Variants in NCOA6 observed in about 807,000 individuals in gnomAD.
The protein encoded by NCOA6 is NRC RAP250.
Under a neutral mutation model 171.4 loss-of-function variants are expected in NCOA6, and 49 were observed. The ratio of observed to expected loss-of-function variants is 0.29; its 90% CI spans 0.23 to 0.36. NCOA6 has a LOEUF of 0.36. Ranked by LOEUF, NCOA6 falls within the 10% of genes least tolerant of loss-of-function variation. The probability of loss-of-function intolerance (pLI) is 1.00; values close to 1 mark genes in which losing one functional copy is unlikely to be tolerated. For synonymous variants in NCOA6, 910 were observed against 927.5 expected (o/e 0.98, Z 0.34); for missense variants, 2,248 against 2,554.5 (o/e 0.88, Z 2.59).
intron 5 of NCOA6, among the ~76,000 whole-genome samples, chr20:34,760,922 C>T (rs974120540): frequency 2.6e-5 from 4 of 151,988 alleles, no homozygotes; most frequent in Non-Finnish European, 4.4e-5. Flanking sequence ...GCTGTCCTTT[C>T]AAAGAAACAT....
At chr20:34,812,508 T>A (rs2078700146) in intron 1 of NCOA6, among the ~76,000 whole-genome samples, 1 of 152,036 alleles carries the variant, frequency 6.6e-6, no homozygotes, top group South Asian at 2.1e-4. Flanking sequence ...CTTCTTAGTA[T>A]AAGAAACAAA....
intron 2 of NCOA6, among the ~76,000 whole-genome samples, chr20:34,784,883 C>T (rs1357538819): frequency 6.6e-6 from 1 of 152,076 alleles, no homozygotes; most frequent in Non-Finnish European, 1.5e-5. Context: ...GATTTCGAGA[C>T]CAGCCTGGTC....
chr20:34,739,371 T>G (rs1482849267), intron 11 of NCOA6, among the ~76,000 whole-genome samples: 1 of 152,246 alleles, frequency 6.6e-6, no homozygotes, highest in Non-Finnish European at 1.5e-5. Context: ...TCAAGTAACT[T>G]GCCCAAGCCC....
At chr20:34,776,903 G>A in intron 3 of NCOA6, 1 of 387,902 alleles carries the variant, frequency 2.6e-6, no homozygotes, top group Admixed American at 3.7e-5. Context: ...TGGATCACGA[G>A]GTCAGGAGTT....
rs757776338 is a variant in NCOA6, at chr20:34,757,941, CTGT to C, written c.804_806del (p.Gln285del). On this transcript the variant is annotated inframe_deletion, in exon 7 of 15. Transcript: ENST00000359003. ...GTTGCTGCTGCTGCTGCTGCTGCTG[CTGT>C]TGTTGTTGTTGCTGCTGCTGCTGCA... is the stretch of plus-strand genomic sequence containing the variant. The C allele has an allele frequency of 2.0e-4, 315 of 1,590,792 alleles. 1 individual carries two copies. Among genetic ancestry groups the C allele is most frequent in the Non-Finnish European group, 2.5e-4 (287 of 1,161,628 alleles).
intron 13 of NCOA6, among the ~76,000 whole-genome samples, chr20:34,728,440 A>T (rs1990230057): frequency 6.6e-6 from 1 of 152,188 alleles, no homozygotes; most frequent in Non-Finnish European, 1.5e-5. Flanking sequence ...CTTAGGGGAC[A>T]TTTAGCAACA....
chr20:34,811,999 C>T (rs1169484236), intron 1 of NCOA6, among the ~76,000 whole-genome samples: 1 of 152,024 alleles, frequency 6.6e-6, no homozygotes, highest in African/African-American at 2.4e-5. Flanking sequence ...CCTGTAATCC[C>T]AGCACTTTGG....
intron 11 of NCOA6, chr20:34,738,977 G>A (rs758240017): frequency 2.0e-5 from 9 of 455,730 alleles, no homozygotes; most frequent in Non-Finnish European, 2.6e-5. Flanking sequence ...CTAGGATATC[G>A]TAAAGGTCTT....
At chr20:34,760,484 T>G (rs1038890630) in intron 5 of NCOA6, among the ~76,000 whole-genome samples, 2 of 152,230 alleles carry the variant, frequency 1.3e-5, no homozygotes, top group Non-Finnish European at 2.9e-5. Flanking sequence ...TTTTGATTTT[T>G]GGCATCGAGG....
intron 8 of NCOA6, among the ~76,000 whole-genome samples, chr20:34,751,625 A>T (rs2076490805): frequency 6.6e-6 from 1 of 152,146 alleles, no homozygotes; most frequent in South Asian, 2.1e-4. Flanking sequence ...AACTGACTAG[A>T]TGACCCATCT....
At chr20:34,789,393 A>C (rs888051552) in intron 2 of NCOA6, among the ~76,000 whole-genome samples, 5 of 152,226 alleles carry the variant, frequency 3.3e-5, no homozygotes, top group African/African-American at 1.2e-4. Flanking sequence ...GAGGCATCAA[A>C]TGCCTGACAT....
intron 1 of NCOA6, among the ~76,000 whole-genome samples, chr20:34,805,644 A>G (rs1423493939): frequency 6.7e-6 from 1 of 149,936 alleles, no homozygotes; most frequent in Admixed American, 6.6e-5. Context: ...ATATATACCT[A>G]TTAGTGGGAT....
At chr20:34,802,409 G>A (rs940701159) in intron 1 of NCOA6, among the ~76,000 whole-genome samples, 3 of 152,176 alleles carry the variant, frequency 2.0e-5, no homozygotes, top group African/African-American at 7.2e-5. Flanking sequence ...AGACCATCCT[G>A]GTCAACATGG....
chr20:34,728,742 T>C (rs4911441), intron 13 of NCOA6, among the ~76,000 whole-genome samples: 68,138 of 152,026 alleles, frequency 0.45, 15,684 homozygotes, highest in Admixed American at 0.6. Context: ...GATAGTAGAT[T>C]AGTTAGCTAA....
At chr20:34,768,905 G>A (rs1254618918) in intron 4 of NCOA6, among the ~76,000 whole-genome samples, 8 of 151,750 alleles carry the variant, frequency 5.3e-5, no homozygotes, top group African/African-American at 1.9e-4. Flanking sequence ...TGTGTGTGTG[G>A]GGTGTGTGTG....
chr20:34,748,676 T>C (rs1332362954), intron 9 of NCOA6, among the ~76,000 whole-genome samples: 1 of 152,244 alleles, frequency 6.6e-6, no homozygotes, highest in Non-Finnish European at 1.5e-5. Context: ...CCTTTCCTGC[T>C]ATGATCTTGC....
intron 14 of NCOA6, 80 bp downstream of exon 14, chr20:34,727,179 G>A: frequency 6.7e-7 from 1 of 1,489,600 alleles, no homozygotes; most frequent in Non-Finnish European, 9.1e-7. Context: ...CAATGATGAA[G>A]GACAAAGTCT....
At chr20:34,746,557 G>A (rs964354744) in intron 10 of NCOA6, among the ~76,000 whole-genome samples, 23 of 152,112 alleles carry the variant, frequency 1.5e-4, no homozygotes, top group Admixed American at 1.5e-3. Context: ...ATTTCAGTCC[G>A]ATTTTATGAG....
Position 34,742,647 on chromosome 20 carries a change from T to C in NCOA6, c.3609A>G (p.Pro1203=), listed in dbSNP as rs773111810. Residue 1203 remains proline (P), a synonymous_variant, in exon 11 of 15, where the codon CCA becomes CCG. Coordinates refer to ENST00000359003, the MANE Select transcript of NCOA6 (RefSeq NM_014071.5). The stretch of plus-strand genomic sequence containing the variant: ...GTGTTTTGGGCCTAGATGTCTGGGT[T>C]GGCGCAGCCACATTTGGGAAGTGGT... ...HGHHFPNVAA[P]TQTSRPKTPN... 5 of 1,614,034 alleles carry C rather than the reference T, an allele frequency of 3.1e-6. No homozygotes were observed. The highest frequency in any genetic ancestry group is 4.5e-5 in the East Asian group (2 of 44,886).
Sources: gnomAD v4.1 joint callset for allele counts (sites outside exome capture counted in the v4.1 genomes callset) on GRCh38, gnomAD v4.1.1 for gene constraint, MANE v1.5 for transcripts, NCBI Gene and HGNC (gene_info 2026-07-23, HGNC 2026-07-21) for gene names.